The following FAM76B variants were observed in gnomAD, a reference collection of about 807,000 sequenced individuals.
FAM76B encodes family with sequence similarity 76 member B, also known as protein FAM76B.
In FAM76B, 16 loss-of-function variants were observed where a neutral mutation model predicts 51.8. The ratio of observed to expected loss-of-function variants is 0.31; its 90% CI spans 0.21 to 0.47. The LOEUF is 0.47. Ranked by LOEUF, FAM76B falls within the 20% of genes least tolerant of loss-of-function variation. The probability of loss-of-function intolerance (pLI) is 1.00; values close to 1 mark genes in which losing one functional copy is unlikely to be tolerated. For missense variants in FAM76B, 342 were observed against 392.6 expected (o/e 0.87, Z 1.09); for synonymous variants, 166 against 129.5 (o/e 1.28, Z -1.91).
At chr11:95,775,773 G>T (rs1285609494) in intron 9 of FAM76B, 149 bp downstream of exon 9, 3 of 445,896 alleles carry the variant, frequency 6.7e-6, no homozygotes, top group African/African-American at 2.0e-5. Flanking sequence ...ATGAGATCAA[G>T]ATTAAAAATG....
intron 5 of FAM76B, 71 bp downstream of exon 5, chr11:95,782,991 CAAG>C: frequency 1.2e-5 from 19 of 1,565,660 alleles, no homozygotes; most frequent in Non-Finnish European, 1.6e-5. Flanking sequence ...TCAATATTTG[CAAG>C]AAGTAAACAT....
rs1267263551 is a variant in FAM76B at position 95,783,231 on chromosome 11, A to T, written c.397T>A (p.Leu133Ile). The change falls in exon 5 of 10, where the codon TTA (leucine) becomes ATA (isoleucine). Residue 133 changes from leucine (L) to isoleucine (I), a missense_variant. By Grantham distance (5) the Leu-to-Ile change is conservative. This residue lies in a region of FAM76B where 230 missense variants were observed against 257.4 expected (regional missense o/e 0.89). Transcript: ENST00000358780. ...TTCTGTAAAACTCTTTTGTACGATA[A>T]AGTACAGAGCCAGCATAATAACTTT... ...DGKLLCWLCT[L>I]SYKRVLQKTK... The T allele has an allele frequency of 5.6e-6, 9 of 1,613,340 alleles. No individual in the cohort carries two copies. Among genetic ancestry groups the T allele is most frequent in the Non-Finnish European group, 7.6e-6 (9 of 1,179,946 alleles).
chr11:95,786,517 G>C (rs1426013616), intron 3 of FAM76B: 1 of 389,646 alleles, frequency 2.6e-6, no homozygotes, highest in Non-Finnish European at 4.5e-6. Context: ...TTTGTGATTT[G>C]CATAGTCTGT....
At position 95,789,500 on chromosome 11, in the gene FAM76B, C is replaced by A. The variant is rs1279266151; in HGVS notation, c.-22G>T. 5 of 1,575,738 alleles carry A rather than the reference C, an allele frequency of 3.2e-6. No homozygotes were observed. The East Asian group carries it at 9.5e-5, about 30-fold the overall frequency. On this transcript the variant is annotated 5_prime_UTR_variant, in exon 1 of 10. Coordinates refer to ENST00000358780, the MANE Select transcript of FAM76B (RefSeq NM_144664.5). ...CCATCCTGCTCCTCAGTCTCCTCCT[C>A]CGCCGCCGCCCGCTCCGAGGCGGGG...
At chr11:95,786,716 G>C (rs1461173759) in intron 3 of FAM76B, 1 of 153,810 alleles carries the variant, frequency 6.5e-6, no homozygotes, top group African/African-American at 2.4e-5. Flanking sequence ...AATCATATAA[G>C]GAATATATAC....
intron 4 of FAM76B, among the ~76,000 whole-genome samples, chr11:95,784,550 GACAGTGTGTGTGTGTATATATACACACAC>G (rs965663884): frequency 3.3e-5 from 5 of 150,374 alleles, no homozygotes; most frequent in African/African-American, 1.2e-4. Context: ...TAAATTAATC[GACAGTGTGTGTGTGTATATATACACACAC>G]ACACACACAC....
chr11:95,787,322 C>T (rs1184153118), intron 3 of FAM76B, among the ~76,000 whole-genome samples: 2 of 152,158 alleles, frequency 1.3e-5, no homozygotes, highest in African/African-American at 4.8e-5. Context: ...CAAACTCCGC[C>T]TCCTGAGTTC....
At chr11:95,779,832 T>A (rs1017475520) in intron 6 of FAM76B, 47 bp downstream of exon 6, 4 of 1,574,426 alleles carry the variant, frequency 2.5e-6, no homozygotes, top group Non-Finnish European at 3.5e-6. Context: ...ATCACATTTA[T>A]AAATATACAT....
chr11:95,783,791 C>T (rs1860405874), intron 4 of FAM76B, among the ~76,000 whole-genome samples: 1 of 152,204 alleles, frequency 6.6e-6, no homozygotes, highest in Non-Finnish European at 1.5e-5. Context: ...TTTGTGGCCA[C>T]TGCACACATA....
In FAM76B at chr11:95,789,714, G is replaced by C. The variant is rs1386889808; in HGVS notation, c.-236C>G. The C allele has an allele frequency of 2.0e-6, 1 of 491,538 alleles. No individual in the cohort carries two copies. Among genetic ancestry groups the C allele is most frequent in the Non-Finnish European group, 3.6e-6 (1 of 281,004 alleles). 30.4% of individuals were successfully genotyped at this position (491,538 alleles called of 1,614,324 possible). On this transcript the variant is annotated 5_prime_UTR_variant, in exon 1 of 10. Coordinates refer to ENST00000358780, the MANE Select transcript of FAM76B (RefSeq NM_144664.5). ...ACGCCGTGCCAGCCGCTCCCGCTTA[G>C]GCCCCGATAGCGGCGGAGGGAGACG...
chr11:95,769,810 G>C lies in FAM76B; in HGVS notation c.*1751C>G, dbSNP rs1785038258. 2.0e-5 allele frequency: 3 copies of C among 151,288 alleles called. No individual in the cohort carries two copies. In the South Asian group the frequency reaches 6.2e-4, roughly 31 times the overall value. The allele number at this position is 151,288 out of a possible 1,614,324, so 9.4% of individuals were successfully genotyped here. ...CATGAAGATCCCATAAAAATAAACT[G>C]GTTTAGTTTACAAGATTCTAACTGA... On this transcript the variant is annotated 3_prime_UTR_variant, in exon 10 of 10. Transcript: ENST00000358780.
chr11:95,779,220 T>C, intron 7 of FAM76B: 1 of 1,270,012 alleles, frequency 7.9e-7, no homozygotes, highest in Non-Finnish European at 1.1e-6. Flanking sequence ...TACAGTAACA[T>C]CAGCAAACTT....
chr11:95,784,549 C>A (rs983996089), intron 4 of FAM76B, among the ~76,000 whole-genome samples: 1 of 150,020 alleles, frequency 6.7e-6, no homozygotes, highest in Non-Finnish European at 1.5e-5. Flanking sequence ...TTAAATTAAT[C>A]GACAGTGTGT....
chr11:95,789,467 C>T lies in FAM76B; in HGVS notation c.12G>A (p.Ser4=), dbSNP rs1456256716. Residue 4 remains serine, a synonymous_variant, in exon 1 of 10, where the codon TCG becomes TCA. Transcript: ENST00000358780. The part of the protein sequence containing the change: MAA[S]ALYACTKCTQ... ...TACACTTGGTGCAGGCGTACAGGGC[C>T]GAGGCCGCCATCCTGCTCCTCAGTC... is the stretch of plus-strand genomic sequence containing the variant. The T allele has an allele frequency of 4.4e-6, 7 of 1,606,544 alleles. No homozygotes were observed. The African/African-American group carries it at 6.7e-5, about 15-fold the overall frequency.
intron 3 of FAM76B, chr11:95,786,900 A>G (rs2120302527): frequency 6.6e-6 from 1 of 152,426 alleles, no homozygotes; most frequent in South Asian, 2.1e-4. Flanking sequence ...TAATGATTGT[A>G]GTATACATAT....
In FAM76B at chr11:95,789,381, A is replaced by C; in HGVS notation, c.87+11T>G. On this transcript the variant is annotated intron_variant, in intron 1 of 9. Transcript: ENST00000358780. ...GACACCCATCCCGCCCGCCTCCCGG[A>C]GCCCACGGACCTTGCAGAGCTGCTG... 1 of 1,587,224 alleles carries C rather than the reference A, an allele frequency of 6.3e-7. No homozygotes were observed. Among genetic ancestry groups the C allele is most frequent in the Non-Finnish European group, 8.6e-7 (1 of 1,167,168 alleles).
At chr11:95,787,766 T>G (rs772125576) in intron 2 of FAM76B, 88 bp from the exon 3 acceptor site, 2 of 1,167,402 alleles carry the variant, frequency 1.7e-6, no homozygotes, top group Non-Finnish European at 2.4e-6. Context: ...CAAAGATTTG[T>G]TGTACTTAAA....
In FAM76B at chr11:95,789,753, G is replaced by A. The variant is rs891949191; in HGVS notation, c.-275C>T. On this transcript the variant is annotated 5_prime_UTR_variant, in exon 1 of 10. Transcript: ENST00000358780. ...CGGAGGGAGACGAAGCGGGTAGGGGGTTGCTGTTTAGCTGTGCGGCCGTGG... is the reference window on the plus strand; with the variant it reads ...CGGAGGGAGACGAAGCGGGTAGGGGATTGCTGTTTAGCTGTGCGGCCGTGG... 4.5e-5 allele frequency: 20 copies of A among 442,286 alleles called. No homozygotes were observed. Among genetic ancestry groups the A allele is most frequent in the Non-Finnish European group, 7.2e-5 (18 of 250,794 alleles). 27.4% of individuals were successfully genotyped at this position (442,286 alleles called of 1,614,324 possible). A position where few individuals can be genotyped will look rare whatever the true frequency, so the allele number is the denominator to read the frequency against.
At chr11:95,787,482 C>T (rs575123925) in intron 3 of FAM76B, 142 bp downstream of exon 3, 5 of 663,262 alleles carry the variant, frequency 7.5e-6, no homozygotes, top group South Asian at 7.3e-5. Context: ...CCTTGTGATC[C>T]GCCCTCCTCG....
Sources: gnomAD v4.1 joint callset for allele counts (sites outside exome capture counted in the v4.1 genomes callset) on GRCh38, gnomAD v4.1.1 for gene constraint, gnomAD v4.1.1 regional missense constraint, MANE v1.5 for transcripts, NCBI Gene and HGNC (gene_info 2026-07-23, HGNC 2026-07-21) for gene names.